Variants in REG4 observed in about 807,000 individuals in gnomAD.
REG4 encodes the protein regenerating family member 4.
In REG4, 16 loss-of-function variants were observed where a neutral mutation model predicts 22.3. The ratio of observed to expected loss-of-function variants is 0.72; its 90% confidence interval spans 0.49 to 1.09. The LOEUF is 1.09. Ranked by LOEUF, REG4 falls within the 50% of genes least tolerant of loss-of-function variation. REG4 has a pLI of 0.00. For missense variants in REG4, 214 were observed against 193.9 expected, an observed-to-expected ratio of 1.10 and a Z score of -0.61; for synonymous variants, 71 against 69.2, an observed-to-expected ratio of 1.03 and a Z score of -0.13.
chr1:119,795,223 C>T (rs1212550367), intron 5 of REG4, among the ~76,000 whole-genome samples: 4 of 152,190 alleles, frequency 2.6e-5, no homozygotes, highest in Non-Finnish European at 4.4e-5. Flanking sequence ...AAATGTCACA[C>T]ACCATGGCAA....
chr1:119,806,182 T>C (rs772695688), intron 2 of REG4, among the ~76,000 whole-genome samples: 6 of 152,128 alleles, frequency 3.9e-5, no homozygotes, highest in Non-Finnish European at 7.4e-5. Flanking sequence ...GCTCAAGTGA[T>C]CTACCCGCCT....
chr1:119,798,081 AG>A (rs1330872342), intron 5 of REG4, among the ~76,000 whole-genome samples: 7 of 152,156 alleles, frequency 4.6e-5, no homozygotes, highest in Non-Finnish European at 8.8e-5. Flanking sequence ...CCGGCCTTCC[AG>A]GGCTCATGGC....
At chr1:119,794,749 T>C (rs937473628) in intron 5 of REG4, 64 bp from the exon 6 acceptor site, 16 of 1,449,206 alleles carry the variant, frequency 1.1e-5, no homozygotes, top group African/African-American at 2.8e-5. Context: ...CAGAGTTATC[T>C]GGGTGTTTTT....
intron 1 of REG4, among the ~76,000 whole-genome samples, chr1:119,810,771 G>C (rs1055663546): frequency 1.1e-4 from 17 of 152,170 alleles, no homozygotes; most frequent in Non-Finnish European, 2.1e-4. Flanking sequence ...AGCTGCACTG[G>C]GCCGGGTGTG....
intron 2 of REG4, among the ~76,000 whole-genome samples, chr1:119,807,912 C>G (rs887446862): frequency 6.6e-6 from 1 of 152,184 alleles, no homozygotes; most frequent in African/African-American, 2.4e-5. Flanking sequence ...TCTGGAAGCC[C>G]TCTTCTCAAC....
chr1:119,808,601 C>T, intron 2 of REG4, 102 bp downstream of exon 2: 2 of 791,362 alleles, frequency 2.5e-6, no homozygotes, highest in East Asian at 2.6e-5. Flanking sequence ...AACCTATTTC[C>T]TGCAGTTCCT....
At chr1:119,801,452 T>G (rs925315679) in intron 3 of REG4, 1 of 152,250 alleles carries the variant, frequency 6.6e-6, no homozygotes, top group Non-Finnish European at 1.5e-5. Flanking sequence ...CAGACAGCAT[T>G]TATTGAGTGC....
chr1:119,810,772 G>T (rs1277567349), intron 1 of REG4, among the ~76,000 whole-genome samples: 1 of 152,182 alleles, frequency 6.6e-6, no homozygotes, highest in African/African-American at 2.4e-5. Context: ...GCTGCACTGG[G>T]CCGGGTGTGG....
chr1:119,802,673 T>C, intron 3 of REG4: 1 of 1,394,402 alleles, frequency 7.2e-7, no homozygotes, highest in Non-Finnish European at 9.3e-7. Flanking sequence ...AGGTGTCTGC[T>C]CCAGGCATGT....
At chr1:119,795,445 T>C (rs1389349948) in intron 5 of REG4, among the ~76,000 whole-genome samples, 1 of 152,220 alleles carries the variant, frequency 6.6e-6, no homozygotes, top group Non-Finnish European at 1.5e-5. Context: ...CATCTGCTTA[T>C]GAAAAAGGAG....
At chr1:119,801,496 A>T (rs965325822) in intron 3 of REG4, 1 of 152,278 alleles carries the variant, frequency 6.6e-6, no homozygotes, top group African/African-American at 2.4e-5. Context: ...ATCCTGTGTC[A>T]GAAGGGGAAA....
rs1571067760 is a variant in REG4, at chr1:119,802,798, A to G, written c.165+270T>C. 4 of 1,490,908 alleles carry G rather than the reference A, an allele frequency of 2.7e-6. No homozygotes were observed. The East Asian group carries it at 7.5e-5, about 28-fold the overall frequency. The allele number at this position is 1,490,908 out of a possible 1,614,324, so 92.4% of individuals were successfully genotyped here. A position where few individuals can be genotyped will look rare whatever the true frequency, so the allele number is the denominator to read the frequency against. On this transcript the variant is annotated intron_variant, in intron 3 of 5. Coordinates refer to ENST00000256585, the MANE Select transcript of REG4 (RefSeq NM_032044.4). ...ATGTATTTCTGTCTCCTTTACTGAC[A>G]GTGAGCTTGCTGAGGGTAGGGGCTC...
rs1328793386 is a variant in REG4, at chr1:119,799,793, T to C, written c.235A>G (p.Ile79Val). Residue 79 changes from isoleucine (I) to valine (V), a missense_variant, in exon 4 of 6, where the codon ATA (isoleucine) becomes GTA (valine). Ile to Val is a conservative substitution (Grantham distance 29, BLOSUM62 3). Coordinates refer to ENST00000256585, the MANE Select transcript of REG4 (RefSeq NM_032044.4). ...TGATAGCCACTTATGTACTCTGCTA[T>C]GGTGCTGGCTTCCTTTAAACTCAGG... ...SILSLKEAST[I>V]AEYISGYQRS... The C allele has an allele frequency of 1.2e-6, 2 of 1,614,098 alleles. No homozygotes were observed. Among genetic ancestry groups the C allele is most frequent in the Non-Finnish European group, 1.7e-6 (2 of 1,180,052 alleles).
intron 3 of REG4, chr1:119,802,701 T>C (rs1400918525): frequency 7.0e-7 from 1 of 1,425,204 alleles, no homozygotes. Context: ...CCACTCTCTT[T>C]CTGGTAAATC....
intron 5 of REG4, among the ~76,000 whole-genome samples, chr1:119,795,342 C>T (rs587720743): frequency 7.2e-5 from 11 of 152,278 alleles, no homozygotes; most frequent in African/African-American, 2.6e-4. Context: ...CTGAGTGTGG[C>T]CTGTCCTCAA....
intron 2 of REG4, among the ~76,000 whole-genome samples, chr1:119,807,843 C>T (rs1203397287): frequency 6.6e-6 from 1 of 152,200 alleles, no homozygotes; most frequent in Non-Finnish European, 1.5e-5. Flanking sequence ...CCGTCCTACC[C>T]TTGGCCAAGG....
intron 2 of REG4, among the ~76,000 whole-genome samples, chr1:119,808,039 G>C (rs1019130369): frequency 6.6e-6 from 1 of 152,194 alleles, no homozygotes; most frequent in Admixed American, 6.5e-5. Flanking sequence ...CTTACTGTGT[G>C]ACATTGGGCA....
chr1:119,805,419 T>C (rs941357198), intron 2 of REG4, among the ~76,000 whole-genome samples: 4 of 152,274 alleles, frequency 2.6e-5, no homozygotes, highest in Admixed American at 2.6e-4. Flanking sequence ...TTTGGTCTTG[T>C]GCACTCTGAA....
chr1:119,803,955 A>G (rs1295493475), intron 2 of REG4, among the ~76,000 whole-genome samples: 1 of 152,236 alleles, frequency 6.6e-6, no homozygotes, highest in African/African-American at 2.4e-5. Context: ...GGAAAGAGCC[A>G]GGGCCTAGAA....
Sources: gnomAD v4.1 joint callset for allele counts (sites outside exome capture counted in the v4.1 genomes callset) on GRCh38, gnomAD v4.1.1 for gene constraint, MANE v1.5 for transcripts, NCBI Gene and HGNC (gene_info 2026-07-23, HGNC 2026-07-21) for gene names.